Variants in GRM5 observed in about 807,000 individuals in gnomAD.
GRM5 encodes glutamate metabotropic receptor 5, also known as metabotropic glutamate receptor 5.
In GRM5, 19 loss-of-function variants were observed where a neutral mutation model predicts 83.1. That is an observed-to-expected ratio of 0.23 (90% CI 0.16 to 0.34). GRM5 has a LOEUF of 0.34. GRM5 is among the 10% of genes least tolerant of loss of function. The pLI is 1.00. For synonymous variants in GRM5, 675 were observed against 633.6 expected (o/e 1.07, Z -0.98); for missense variants, 1,160 against 1,588.3 (o/e 0.73, Z 4.58).
rs200925052 is a variant in GRM5, at chr11:88,509,138, C to G, written c.3093G>C (p.Ser1031=). ...PISTLSHRAG[S]ASRTDDDVPS... is the part of the protein sequence containing the mutation. ...GCACATCGTCGTCCGTGCGGCTGGC[C>G]GAGCCCGCGCGGTGGCTCAGCGTGC... is the stretch of plus-strand genomic sequence containing the variant. Residue 1031 remains serine, a synonymous_variant, in exon 10 of 10, where the codon TCG becomes TCC. Transcript: ENST00000305447. 341 of 1,541,010 alleles carry G rather than the reference C, an allele frequency of 2.2e-4. 1 individual carries two copies. The highest frequency in any genetic ancestry group is 2.8e-4 in the Non-Finnish European group (323 of 1,144,388).
At chr11:88,600,906 T>C (rs935319213) in intron 5 of GRM5, among the ~76,000 whole-genome samples, 8 of 152,204 alleles carry the variant, frequency 5.3e-5, no homozygotes, top group Admixed American at 5.2e-4. Flanking sequence ...TAATAAGCCC[T>C]GGTCCATACA....
At chr11:88,875,544 G>C (rs971167720) in intron 2 of GRM5, among the ~76,000 whole-genome samples, 16 of 152,082 alleles carry the variant, frequency 1.1e-4, no homozygotes, top group Admixed American at 2.0e-4. Flanking sequence ...GTTATTAATG[G>C]TAATTAAAAT....
At chr11:88,947,602 C>T (rs1478999224) in intron 2 of GRM5, among the ~76,000 whole-genome samples, 1 of 151,594 alleles carries the variant, frequency 6.6e-6, no homozygotes, top group African/African-American at 2.4e-5. Flanking sequence ...AACACCATCT[C>T]TGGCTTTAAG....
At chr11:88,547,009 A>G (rs897791947) in intron 8 of GRM5, among the ~76,000 whole-genome samples, 2 of 152,170 alleles carry the variant, frequency 1.3e-5, no homozygotes, top group Admixed American at 1.3e-4. Flanking sequence ...GTATAGATAT[A>G]TGATATTCAA....
At chr11:88,544,973 C>CTT (rs1259586876) in intron 8 of GRM5, among the ~76,000 whole-genome samples, 1 of 152,204 alleles carries the variant, frequency 6.6e-6, no homozygotes, top group Non-Finnish European at 1.5e-5. Flanking sequence ...TGATTTACAT[C>CTT]TTTGCCTGGG....
intron 3 of GRM5, among the ~76,000 whole-genome samples, chr11:88,843,520 T>C (rs1306517004): frequency 1.3e-5 from 2 of 152,160 alleles, no homozygotes; most frequent in Non-Finnish European, 2.9e-5. Flanking sequence ...CTGGCTGTAC[T>C]TCCGTCTCTC....
At chr11:88,758,404 G>T (rs868819578) in intron 3 of GRM5, among the ~76,000 whole-genome samples, 1 of 152,110 alleles carries the variant, frequency 6.6e-6, no homozygotes, top group Non-Finnish European at 1.5e-5. Flanking sequence ...CCCAATAGAC[G>T]TGGAAGACAC....
At chr11:88,624,115 A>G (rs1438400476) in intron 4 of GRM5, among the ~76,000 whole-genome samples, 2 of 152,210 alleles carry the variant, frequency 1.3e-5, no homozygotes, top group African/African-American at 4.8e-5. Flanking sequence ...GAAGGCCTAT[A>G]GTCCAAGAGA....
At chr11:88,716,410 C>T (rs1026171040) in intron 3 of GRM5, among the ~76,000 whole-genome samples, 2 of 151,880 alleles carry the variant, frequency 1.3e-5, no homozygotes, top group African/African-American at 4.8e-5. Context: ...GGAAAGCACC[C>T]ACATTTGATC....
chr11:88,727,834 G>A (rs901004561), intron 3 of GRM5, among the ~76,000 whole-genome samples: 1 of 152,164 alleles, frequency 6.6e-6, no homozygotes, highest in African/African-American at 2.4e-5. Flanking sequence ...TGAAACCAAT[G>A]AGAACAAAGA....
At chr11:88,592,020 G>T (rs1335663795) in intron 6 of GRM5, among the ~76,000 whole-genome samples, 1 of 152,038 alleles carries the variant, frequency 6.6e-6, no homozygotes, top group Non-Finnish European at 1.5e-5. Flanking sequence ...GGTAAATAAG[G>T]GATCAAACAA....
In GRM5 at chr11:89,048,012, G is replaced by T. The variant is rs1941680219; in HGVS notation, c.-140C>A. The T allele has an allele frequency of 1.6e-5, 10 of 642,144 alleles. No individual in the cohort carries two copies. In the South Asian group the frequency reaches 1.7e-4, roughly 11 times the overall value. 39.8% of individuals were successfully genotyped at this position (642,144 alleles called of 1,614,324 possible). On this transcript the variant is annotated 5_prime_UTR_variant, in exon 2 of 10. Coordinates refer to ENST00000305447, the MANE Select transcript of GRM5 (RefSeq NM_001143831.3). The stretch of plus-strand genomic sequence containing the variant: ...AGCAATTCAGATGTATTTTCTAAAG[G>T]ACCATTTTGTCCCCATGTACCATTT...
chr11:89,003,155 G>A (rs936177526), intron 2 of GRM5, among the ~76,000 whole-genome samples: 2 of 152,108 alleles, frequency 1.3e-5, no homozygotes, highest in Non-Finnish European at 2.9e-5. Context: ...TAATGTACCA[G>A]GCATAATTCT....
intron 3 of GRM5, among the ~76,000 whole-genome samples, chr11:88,792,035 T>A (rs1199658913): frequency 1.3e-5 from 2 of 152,088 alleles, no homozygotes; most frequent in Non-Finnish European, 2.9e-5. Context: ...CCAAAGCAAG[T>A]TGGGAGAGCA....
chr11:88,982,999 G>T (rs1182117261), intron 2 of GRM5, among the ~76,000 whole-genome samples: 2 of 152,196 alleles, frequency 1.3e-5, no homozygotes, highest in Non-Finnish European at 2.9e-5. Context: ...CTGGGAGGCG[G>T]AGGTTGCAGT....
chr11:89,033,518 T>C (rs1941313735), intron 2 of GRM5, among the ~76,000 whole-genome samples: 1 of 152,018 alleles, frequency 6.6e-6, no homozygotes, highest in Non-Finnish European at 1.5e-5. Context: ...ATATAAAATG[T>C]TGAATTTTTA....
rs1252933174 is a variant in GRM5 at position 88,941,463 on chromosome 11, AG to A, written c.662-91309del. Among the ~76,000 whole-genome samples the A allele has an allele frequency of 2.6e-4, 31 of 119,518 alleles. 1 individual carries two copies. In the East Asian group the frequency reaches 5.0e-3, roughly 19 times the overall value. 78.4% of individuals were successfully genotyped at this position (119,518 alleles called of 152,430 possible). On this transcript the variant is annotated intron_variant, in intron 2 of 9. Transcript: ENST00000305447. The stretch of plus-strand genomic sequence containing the variant: ...AGGGGAGAAGAGGGGAGAAGAGAAG[AG>A]AAGAGAAGAGGGGAGGGGAGAGGAG...
At chr11:88,579,553 A>G (rs1235318098) in intron 7 of GRM5, among the ~76,000 whole-genome samples, 1 of 152,180 alleles carries the variant, frequency 6.6e-6, no homozygotes, top group Admixed American at 6.6e-5. Context: ...GGAAGGAAAG[A>G]ATAGTGGTCA....
intron 2 of GRM5, among the ~76,000 whole-genome samples, chr11:88,903,475 A>G (rs1308354258): frequency 1.3e-5 from 2 of 152,310 alleles, no homozygotes; most frequent in East Asian, 3.9e-4. Context: ...TATTCACAAT[A>G]GAAACAATAT....
Sources: gnomAD v4.1 joint callset for allele counts (sites outside exome capture counted in the v4.1 genomes callset) on GRCh38, gnomAD v4.1.1 for gene constraint, MANE v1.5 for transcripts, NCBI Gene and HGNC (gene_info 2026-07-23, HGNC 2026-07-21) for gene names.